STARD9: variants seen among roughly 807,000 people sequenced by gnomAD.
STARD9 encodes the protein StAR related lipid transfer domain containing 9.
In STARD9, 346 loss-of-function variants were observed where a neutral mutation model predicts 399.8. The ratio of observed to expected loss-of-function variants is 0.87; its 90% CI spans 0.79 to 0.95. STARD9 has a LOEUF of 0.95. STARD9 is among the 40% of genes least tolerant of loss of function. The pLI, the probability that STARD9 is intolerant of heterozygous loss-of-function variation, is 0.00. For missense variants in STARD9, 5,832 were observed against 5,667.5 expected, an observed-to-expected ratio of 1.03 and a Z score of -0.93; for synonymous variants, 2,203 against 2,143.5, an observed-to-expected ratio of 1.03 and a Z score of -0.77.
At chr15:42,612,125 G>T (rs1414393539) in intron 3 of STARD9, among the ~76,000 whole-genome samples, 5 of 152,078 alleles carry the variant, frequency 3.3e-5, no homozygotes, top group Non-Finnish European at 7.4e-5. Context: ...CTACAAGCAT[G>T]TTCCACCACA....
At position 42,686,697 on chromosome 15, in the gene STARD9, G is replaced by A. The variant is rs1375226317; in HGVS notation, c.5119G>A (p.Glu1707Lys). ...EKTDCQESSK[E>K]AVRRHINVSF... is the part of the protein sequence containing the mutation. ...GACAGATTGCCAGGAGAGCTCTAAG[G>A]AAGCAGTTAGAAGACACATAAATGT... Residue 1707 changes from glutamate (E) to lysine (K), a missense_variant, in exon 23 of 33, where the codon GAA (glutamate) becomes AAA (lysine). Glu to Lys is a moderately conservative substitution (Grantham distance 56, BLOSUM62 1). Around this residue, in one of 2 missense-constraint regions of STARD9, gnomAD observed 5,828 missense variants for 5,651.1 expected, o/e 1.03. Coordinates refer to ENST00000290607, the MANE Select transcript of STARD9 (RefSeq NM_020759.3). 6.5e-7 allele frequency: 1 copy of A among 1,537,694 alleles called. No individual in the cohort carries two copies.
At position 42,686,449 on chromosome 15, in the gene STARD9, T is replaced by C; in HGVS notation, c.4871T>C (p.Val1624Ala). The change falls in exon 23 of 33, where the codon GTC becomes GCC. Residue 1624 changes from valine (V) to alanine (A), a missense_variant. Val to Ala is a moderately conservative substitution (Grantham distance 64). Transcript: ENST00000290607. ...IPDSMTEACE[V>A]KQNNLEECLQ... ...GATTCCATGACAGAAGCATGTGAAG[T>C]CAAGCAGAACAACTTGGAAGAATGC... 2 of 1,537,678 alleles carry C rather than the reference T, an allele frequency of 1.3e-6. No homozygotes were observed. The highest frequency in any genetic ancestry group is 1.7e-6 in the Non-Finnish European group (2 of 1,147,012).
intron 9 of STARD9, among the ~76,000 whole-genome samples, chr15:42,654,397 T>C (rs1435446127): frequency 1.3e-5 from 2 of 152,074 alleles, no homozygotes; most frequent in East Asian, 1.9e-4. Context: ...GAAAAAGATA[T>C]ACCATAATAA....
chr15:42,642,466 A>G (rs140486507), intron 7 of STARD9, among the ~76,000 whole-genome samples: 1 of 152,364 alleles, frequency 6.6e-6, no homozygotes, highest in African/African-American at 2.4e-5. Context: ...TTGTATTTTT[A>G]CTGTGGCCTT....
In STARD9 at chr15:42,685,697, G is replaced by A. The variant is rs747796785; in HGVS notation, c.4119G>A (p.Arg1373=). Reference sequence around the variant, plus strand: ...AATTTCACTCCTGTAAGGGGGAGAGGCCTGGATACTGGCCAAATACTGAGG... The same window carrying A: ...AATTTCACTCCTGTAAGGGGGAGAGACCTGGATACTGGCCAAATACTGAGG... The part of the protein sequence containing the change: ...MQEFHSCKGE[R]PGYWPNTEEL... Residue 1373 remains arginine, a synonymous_variant, in exon 23 of 33, where the codon AGG becomes AGA. Transcript: ENST00000290607. The A allele has an allele frequency of 6.5e-7, 1 of 1,537,300 alleles. No individual in the cohort carries two copies. Among genetic ancestry groups the A allele is most frequent in the South Asian group, 1.2e-5 (1 of 84,058 alleles).
chr15:42,578,826 A>C (rs1271359105), intron 1 of STARD9, among the ~76,000 whole-genome samples: 1 of 152,236 alleles, frequency 6.6e-6, no homozygotes, highest in East Asian at 1.9e-4. Context: ...TTCACTCTGA[A>C]CTATTCACAT....
At chr15:42,621,429 G>C (rs1253987245) in intron 3 of STARD9, among the ~76,000 whole-genome samples, 1 of 152,074 alleles carries the variant, frequency 6.6e-6, no homozygotes, top group Non-Finnish European at 1.5e-5. Flanking sequence ...AAATTTAACA[G>C]AGCTTAATTG....
At chr15:42,660,519 C>T (rs1467770331) in intron 9 of STARD9, among the ~76,000 whole-genome samples, 2 of 150,004 alleles carry the variant, frequency 1.3e-5, no homozygotes, top group African/African-American at 2.5e-5. Flanking sequence ...GGGCCGAGAT[C>T]GTGCCATTGC....
chr15:42,576,884 A>G (rs914085183), intron 1 of STARD9, among the ~76,000 whole-genome samples: 7 of 152,218 alleles, frequency 4.6e-5, no homozygotes, highest in Admixed American at 4.6e-4. Flanking sequence ...GGAAGAAGGC[A>G]AAAGAGGTAC....
chr15:42,626,285 CTCTTCCTCT>C (rs1295958174), intron 3 of STARD9, among the ~76,000 whole-genome samples: 2 of 136,786 alleles, frequency 1.5e-5, no homozygotes, highest in Admixed American at 1.4e-4. Flanking sequence ...CCTCTTCCTC[CTCTTCCTCT>C]TCCTCCCCTT....
chr15:42,602,624 C>T (rs939544826), intron 3 of STARD9, among the ~76,000 whole-genome samples: 3 of 152,156 alleles, frequency 2.0e-5, no homozygotes, highest in Non-Finnish European at 4.4e-5. Flanking sequence ...TGGTAGCTTG[C>T]AATCTGTCTG....
At chr15:42,627,021 T>G (rs1432214176) in intron 3 of STARD9, among the ~76,000 whole-genome samples, 2 of 152,054 alleles carry the variant, frequency 1.3e-5, no homozygotes, top group Non-Finnish European at 2.9e-5. Flanking sequence ...GTATTACAAG[T>G]GTGTACCACC....
intron 3 of STARD9, among the ~76,000 whole-genome samples, chr15:42,591,275 G>A (rs1221641988): frequency 2.0e-5 from 3 of 152,178 alleles, no homozygotes; most frequent in African/African-American, 4.8e-5. Flanking sequence ...ATCACCTGAG[G>A]TCAGGAGTTC....
intron 3 of STARD9, among the ~76,000 whole-genome samples, chr15:42,618,076 C>T (rs937122393): frequency 6.6e-6 from 1 of 151,586 alleles, no homozygotes; most frequent in Admixed American, 6.6e-5. Flanking sequence ...TCATTTAGTA[C>T]ACACTTTATG....
Position 42,684,853 on chromosome 15 carries a change from A to G in STARD9, c.3275A>G (p.His1092Arg), listed in dbSNP as rs1164489923. The G allele has an allele frequency of 2.0e-6, 3 of 1,537,196 alleles. No individual in the cohort carries two copies. Among genetic ancestry groups the G allele is most frequent in the South Asian group, 1.2e-5 (1 of 84,062 alleles). ...ACAGATTTCAGCCCAGTAATGGATC[A>G]TTCAAGAGAAAAAGACAATGATTTA... ...PLTDFSPVMDHSREKDNDLSD... is the reference protein window; with the variant it reads ...PLTDFSPVMDRSREKDNDLSD... The change falls in exon 23 of 33, where the codon CAT becomes CGT. Residue 1092 changes from histidine to arginine, a missense_variant. Transcript: ENST00000290607.
At chr15:42,606,671 A>G (rs2058730008) in intron 3 of STARD9, among the ~76,000 whole-genome samples, 1 of 150,108 alleles carries the variant, frequency 6.7e-6, no homozygotes, top group South Asian at 2.1e-4. Context: ...CAAGTTGCCT[A>G]GGCTGGTCTC....
At chr15:42,645,734 G>C (rs1266947644) in intron 7 of STARD9, among the ~76,000 whole-genome samples, 1 of 152,022 alleles carries the variant, frequency 6.6e-6, no homozygotes, top group Non-Finnish European at 1.5e-5. Context: ...TGGAGACAGG[G>C]TTTCACCATG....
intron 3 of STARD9, among the ~76,000 whole-genome samples, chr15:42,629,660 G>A (rs938081793): frequency 2.6e-5 from 4 of 152,102 alleles, no homozygotes; most frequent in Admixed American, 2.6e-4. Flanking sequence ...AATAACCGTG[G>A]TGAAAATGGG....
Position 42,684,465 on chromosome 15 carries a change from C to T in STARD9, c.2887C>T (p.His963Tyr). 6.5e-7 allele frequency: 1 copy of T among 1,537,214 alleles called. No individual in the cohort carries two copies. The highest frequency in any genetic ancestry group is 2.0e-5 in the Admixed American group (1 of 50,992). The change falls in exon 23 of 33, where the codon CAT becomes TAT. Residue 963 changes from histidine (H) to tyrosine (Y), a missense_variant. Transcript: ENST00000290607. ...ATCAGCTAACAAACTAAAGCCAAGG[C>T]ATGAGCCAAAGATCTTCACCTCTAC... ...RKSANKLKPR[H>Y]EPKIFTSTTQ...
Sources: gnomAD v4.1 joint callset for allele counts (sites outside exome capture counted in the v4.1 genomes callset) on GRCh38, gnomAD v4.1.1 for gene constraint, gnomAD v4.1.1 regional missense constraint, MANE v1.5 for transcripts, NCBI Gene and HGNC (gene_info 2026-07-23, HGNC 2026-07-21) for gene names.